Variants in TMEM132D observed in about 807,000 individuals in gnomAD.
TMEM132D encodes mature OL transmembrane protein.
Under a neutral mutation model 62.3 loss-of-function variants are expected in TMEM132D, and 21 were observed. That is an observed-to-expected ratio of 0.34 (90% CI 0.24 to 0.49). The LOEUF is 0.49. TMEM132D is among the 20% of genes least tolerant of loss of function. The pLI is 0.99. For synonymous variants in TMEM132D, 621 were observed against 575.6 expected (o/e 1.08, Z -1.13); for missense variants, 1,346 against 1,402.8 (o/e 0.96, Z 0.65).
chr12:129,879,432 A>G (rs1874526140), intron 1 of TMEM132D, among the ~76,000 whole-genome samples: 1 of 152,226 alleles, frequency 6.6e-6, no homozygotes, highest in South Asian at 2.1e-4. Flanking sequence ...ACTACAAAAT[A>G]ATAGTTTCTT....
chr12:129,508,125 T>C (rs1358350402), intron 3 of TMEM132D, among the ~76,000 whole-genome samples: 1 of 152,164 alleles, frequency 6.6e-6, no homozygotes, highest in East Asian at 1.9e-4. Context: ...TATGATGGAA[T>C]TTATGGGCAA....
intron 4 of TMEM132D, chr12:129,262,224 G>A (rs1880568189): frequency 1.3e-5 from 2 of 152,304 alleles, no homozygotes; most frequent in Middle Eastern, 3.4e-3. Context: ...GCAAAGGACC[G>A]TAATTGAATA....
intron 2 of TMEM132D, among the ~76,000 whole-genome samples, chr12:129,684,095 G>A (rs944600665): frequency 1.3e-5 from 2 of 152,126 alleles, no homozygotes; most frequent in Non-Finnish European, 2.9e-5. Context: ...AACCTCTTCT[G>A]TCTATAAATC....
chr12:129,572,454 T>C (rs1178152844), intron 2 of TMEM132D, among the ~76,000 whole-genome samples: 1 of 152,002 alleles, frequency 6.6e-6, no homozygotes, highest in African/African-American at 2.4e-5. Flanking sequence ...TTTCTTTCTT[T>C]CTTTTTTTGT....
chr12:129,114,422 T>C (rs747228068), intron 5 of TMEM132D, among the ~76,000 whole-genome samples: 2 of 151,598 alleles, frequency 1.3e-5, no homozygotes, highest in South Asian at 2.1e-4. Flanking sequence ...CCTTCCCTCC[T>C]TCCCTCCTTC....
intron 2 of TMEM132D, among the ~76,000 whole-genome samples, chr12:129,659,472 A>G (rs936895570): frequency 6.6e-6 from 1 of 152,232 alleles, no homozygotes; most frequent in African/African-American, 2.4e-5. Context: ...TCTCAAAAGC[A>G]AATAAGAGTT....
chr12:129,398,984 A>T (rs1020698398), intron 3 of TMEM132D, among the ~76,000 whole-genome samples: 9 of 152,192 alleles, frequency 5.9e-5, no homozygotes, highest in African/African-American at 2.2e-4. Context: ...AGGCTGGGAC[A>T]TCCAAGATCA....
chr12:129,607,864 T>C (rs936239465), intron 2 of TMEM132D, among the ~76,000 whole-genome samples: 38 of 152,332 alleles, frequency 2.5e-4, no homozygotes, highest in African/African-American at 8.4e-4. Context: ...TAAATCCAGC[T>C]TTTAATTCCA....
chr12:129,474,940 T>A (rs1013830389), intron 3 of TMEM132D, among the ~76,000 whole-genome samples: 1 of 152,170 alleles, frequency 6.6e-6, no homozygotes, highest in Admixed American at 6.5e-5. Context: ...CTGCATGCCA[T>A]AATCCACTCA....
intron 2 of TMEM132D, among the ~76,000 whole-genome samples, chr12:129,678,409 G>A (rs985910153): frequency 1.3e-4 from 20 of 152,218 alleles, no homozygotes; most frequent in African/African-American, 4.6e-4. Flanking sequence ...ATGGGATGCA[G>A]TACATTTTTA....
chr12:129,852,219 T>G (rs116630777), intron 1 of TMEM132D: 1 of 152,190 alleles, frequency 6.6e-6, no homozygotes, highest in African/African-American at 2.4e-5. Context: ...TTTATTTTAT[T>G]TGCTGAGTGT....
chr12:129,446,188 C>G lies in TMEM132D; in HGVS notation c.1115+84871G>C, dbSNP rs1018254684. Among the ~76,000 whole-genome samples, 19 of 152,216 alleles carry G rather than the reference C, an allele frequency of 1.2e-4. No homozygotes were observed. The South Asian group carries it at 2.1e-3, about 17-fold the overall frequency. ...GAACCAGAATACTGAGCTGGTGGAA[C>G]TGGGTGGTCACAAAGCCACTCACCC... is the stretch of plus-strand genomic sequence containing the variant. On this transcript the variant is annotated intron_variant, in intron 3 of 8. Transcript: ENST00000422113.
intron 3 of TMEM132D, among the ~76,000 whole-genome samples, chr12:129,464,506 T>A (rs1470552241): frequency 6.6e-6 from 1 of 152,220 alleles, no homozygotes; most frequent in Non-Finnish European, 1.5e-5. Context: ...TTGGCTTTTG[T>A]TGCCATTGCT....
At chr12:129,205,468 A>G (rs1878818597) in intron 5 of TMEM132D, among the ~76,000 whole-genome samples, 1 of 152,150 alleles carries the variant, frequency 6.6e-6, no homozygotes, top group Non-Finnish European at 1.5e-5. Flanking sequence ...AGACCTAATT[A>G]TCCTAACTAT....
At chr12:129,516,434 G>A (rs1274164244) in intron 3 of TMEM132D, among the ~76,000 whole-genome samples, 6 of 152,186 alleles carry the variant, frequency 3.9e-5, no homozygotes, top group Admixed American at 2.6e-4. Flanking sequence ...CCACGTGGCT[G>A]GGGAGGCCTC....
intron 2 of TMEM132D, among the ~76,000 whole-genome samples, chr12:129,621,890 T>C (rs185666249): frequency 6.6e-6 from 1 of 152,312 alleles, no homozygotes; most frequent in Admixed American, 6.5e-5. Flanking sequence ...ATGCTCTTCC[T>C]TCAAGTTTTT....
intron 2 of TMEM132D, among the ~76,000 whole-genome samples, chr12:129,594,589 A>G (rs1878282954): frequency 6.6e-6 from 1 of 152,244 alleles, no homozygotes; most frequent in Admixed American, 6.5e-5. Flanking sequence ...TAGAGAACAC[A>G]TGCATAGTCC....
chr12:129,321,605 G>C (rs1363914061), intron 4 of TMEM132D, among the ~76,000 whole-genome samples: 1 of 151,700 alleles, frequency 6.6e-6, no homozygotes, highest in Non-Finnish European at 1.5e-5. Flanking sequence ...CGCCCAGGCT[G>C]GAGTGCAGTG....
chr12:129,562,315 ACT>A (rs754970486), intron 2 of TMEM132D, among the ~76,000 whole-genome samples: 3 of 152,078 alleles, frequency 2.0e-5, no homozygotes, highest in Non-Finnish European at 4.4e-5. Flanking sequence ...GGCACACTCT[ACT>A]CTTAGTGAAG....
Sources: allele counts gnomAD v4.1 joint callset (sites outside exome capture counted in the v4.1 genomes callset), GRCh38; gene constraint gnomAD v4.1.1; transcripts MANE v1.5; gene names NCBI Gene and HGNC (gene_info 2026-07-23, HGNC 2026-07-21).